Variants in ZNF600 observed in about 807,000 individuals in gnomAD.
ZNF600 encodes the protein zinc finger protein KR-ZNF1.
A neutral mutation model predicts 7.3 loss-of-function variants in ZNF600; 4 were observed. The ratio of observed to expected loss-of-function variants is 0.55; its 90% CI spans 0.27 to 1.25. The LOEUF is 1.25. ZNF600 is among the 50% of genes most tolerant of loss of function. The pLI, the probability that ZNF600 is intolerant of heterozygous loss-of-function variation, is 0.12. For missense variants in ZNF600, 911 were observed against 922.1 expected (o/e 0.99, Z 0.16); for synonymous variants, 290 against 308.9 (o/e 0.94, Z 0.64).
At chr19:52,829,427 T>C in the ZNF600 span, among the ~76,000 whole-genome samples, 1 of 147,634 alleles carries the variant, frequency 6.8e-6, no homozygotes, top group African/African-American at 2.5e-5. Context: ...CAGGCTAGAG[T>C]GCAATGGCCT....
chr19:52,768,601 C>G (rs114789344), intron 3 of ZNF600, among the ~76,000 whole-genome samples: 3,322 of 151,776 alleles, frequency 0.022, 112 homozygotes, highest in African/African-American at 0.073. Flanking sequence ...CTTGGAGTGC[C>G]ATGGCATGAT....
chr19:52,769,865 AC>A lies in ZNF600; in HGVS notation c.191-2094del, dbSNP rs1462411091. On this transcript the variant is annotated intron_variant, in intron 3 of 3. Transcript: ENST00000648973. The stretch of plus-strand genomic sequence containing the variant: ...CCACTGTACCTGGTGGCACTTTGTG[AC>A]ATTAATGAGTGGAGTGTGGCAGTTA... 2.0e-5 allele frequency among the ~76,000 whole-genome samples: 3 copies of A among 152,136 alleles called. No individual in the cohort carries two copies. In the East Asian group the frequency reaches 5.8e-4, roughly 29 times the overall value.
upstream of ZNF600, among the ~76,000 whole-genome samples, chr19:52,788,538 G>A (rs2062783403): frequency 6.6e-6 from 1 of 152,176 alleles, no homozygotes; most frequent in Admixed American, 6.5e-5. Flanking sequence ...GCTGCCCACT[G>A]CACCAGAGAT....
chr19:52,768,931 A>G (rs1600377350), intron 3 of ZNF600, among the ~76,000 whole-genome samples: 1 of 152,348 alleles, frequency 6.6e-6, no homozygotes, highest in South Asian at 2.1e-4. Flanking sequence ...CTCTATAATC[A>G]TAACCTAAGA....
At chr19:52,786,003 T>G (rs773929460) in intron 1 of ZNF600, among the ~76,000 whole-genome samples, 14 of 152,298 alleles carry the variant, frequency 9.2e-5, no homozygotes, top group Non-Finnish European at 1.9e-4. Context: ...TGGGCCTTTC[T>G]CATTCTTCTT....
rs141953624 is a variant in ZNF600 at position 52,771,253 on chromosome 19, G to A, written c.190+3322C>T. Among the ~76,000 whole-genome samples, 42 of 152,234 alleles carry A rather than the reference G, an allele frequency of 2.8e-4. 1 individual carries two copies. The East Asian group carries it at 7.3e-3, about 27-fold the overall frequency. On this transcript the variant is annotated intron_variant, in intron 3 of 3. Coordinates refer to ENST00000648973, the Ensembl canonical transcript of ZNF600. ...ACCACGAAGAAGGCTCTCACCAGGA[G>A]CCAATCTAGCTGACATCTTGTTCTT... is the stretch of plus-strand genomic sequence containing the variant.
chr19:52,789,406 A>C (rs544705464), upstream of ZNF600, among the ~76,000 whole-genome samples: 2 of 152,304 alleles, frequency 1.3e-5, no homozygotes, highest in South Asian at 4.1e-4. Flanking sequence ...AGAATTTTGG[A>C]AATGTATTTT....
At chr19:52,780,481 A>C (rs142660151) in intron 1 of ZNF600, among the ~76,000 whole-genome samples, 100 bp downstream of exon 3, 1 of 152,186 alleles carries the variant, frequency 6.6e-6, no homozygotes, top group African/African-American at 2.4e-5. Context: ...TGGGGCTGGA[A>C]CAGTGGAAGA....
At chr19:52,818,992 T>G in the ZNF600 span, among the ~76,000 whole-genome samples, 32 of 123,016 alleles carry the variant, frequency 2.6e-4, no homozygotes, top group South Asian at 3.5e-4. Context: ...CAGATGGGGG[T>G]GGGAGGGCAT....
intron 2 of ZNF600, among the ~76,000 whole-genome samples, chr19:52,776,809 A>C (rs963688723): frequency 2.6e-5 from 4 of 152,196 alleles, no homozygotes; most frequent in Admixed American, 2.6e-4. Flanking sequence ...CCATGGGCTT[A>C]TCCACCCATG....
chr19:52,833,104 A>G, the ZNF600 span, among the ~76,000 whole-genome samples: 1 of 152,200 alleles, frequency 6.6e-6, no homozygotes, highest in East Asian at 1.9e-4. Flanking sequence ...CTTCAAATGC[A>G]TTAAGAAATT....
chr19:52,811,824 G>A, the ZNF600 span, among the ~76,000 whole-genome samples: 3 of 146,948 alleles, frequency 2.0e-5, no homozygotes, highest in Non-Finnish European at 3.0e-5. Context: ...TCCTCTGCCC[G>A]GCCGCCCCTA....
At chr19:52,808,206 G>GTT in the ZNF600 span, 1 of 1,587,032 alleles carries the variant, frequency 6.3e-7, no homozygotes, top group Admixed American at 1.8e-5. Flanking sequence ...ACAAGAGAGG[G>GTT]GGAAAGCATG....
the ZNF600 span, among the ~76,000 whole-genome samples, chr19:52,821,328 G>C: frequency 1.3e-5 from 2 of 152,138 alleles, no homozygotes; most frequent in African/African-American, 4.8e-5. Flanking sequence ...GTCAAAAAAA[G>C]GTTTTGAGCA....
At chr19:52,814,626 C>A in the ZNF600 span, among the ~76,000 whole-genome samples, 1 of 145,136 alleles carries the variant, frequency 6.9e-6, no homozygotes, top group East Asian at 2.0e-4. Flanking sequence ...GTGGCTCACG[C>A]CTGTGATTTC....
At chr19:52,827,039 A>T in the ZNF600 span, among the ~76,000 whole-genome samples, 7 of 151,934 alleles carry the variant, frequency 4.6e-5, no homozygotes, top group African/African-American at 1.2e-4. Flanking sequence ...ATACCACCGT[A>T]CTCCTGCCTG....
the ZNF600 span, among the ~76,000 whole-genome samples, chr19:52,791,953 G>A: frequency 6.6e-6 from 1 of 152,206 alleles, no homozygotes; most frequent in African/African-American, 2.4e-5. Flanking sequence ...GAGCTTCGAT[G>A]CTCAATGCTG....
the ZNF600 span, chr19:52,810,502 A>G: frequency 6.3e-7 from 1 of 1,587,278 alleles, no homozygotes; most frequent in Non-Finnish European, 8.6e-7. Flanking sequence ...CCCTATTTAG[A>G]GGAAGGCAAA....
chr19:52,808,038 C>T, the ZNF600 span: 1 of 1,613,580 alleles, frequency 6.2e-7, no homozygotes, highest in South Asian at 1.1e-5. Context: ...AATTCTCCAG[C>T]ATCACATCCC....
Sources: gnomAD v4.1 joint callset for allele counts (sites outside exome capture counted in the v4.1 genomes callset) on GRCh38, gnomAD v4.1.1 for gene constraint, MANE v1.5 for transcripts, NCBI Gene and HGNC (gene_info 2026-07-23, HGNC 2026-07-21) for gene names.